The following NFIA variants were observed in gnomAD, a reference collection of about 807,000 sequenced individuals.
The protein encoded by NFIA is nuclear factor 1 A-type.
Under a neutral mutation model 62.8 loss-of-function variants are expected in NFIA, and 8 were observed. The observed-to-expected ratio is 0.13, with a 90% confidence interval of 0.07 to 0.23. The LOEUF (loss-of-function observed/expected upper bound fraction) is 0.23. NFIA is among the 10% of genes least tolerant of loss of function. NFIA has a pLI of 1.00. For missense variants in NFIA, 410 were observed against 642.1 expected, an observed-to-expected ratio of 0.64 and a Z score of 3.91; for synonymous variants, 235 against 238.1, an observed-to-expected ratio of 0.99 and a Z score of 0.12.
At chr1:61,124,708 GC>G (rs1646940123) in intron 2 of NFIA, 1 of 152,202 alleles carries the variant, frequency 6.6e-6, no homozygotes, top group African/African-American at 2.4e-5. Context: ...TAAAGTTGGG[GC>G]CGGATGGGAC....
At chr1:61,116,371 C>A (rs921017637) in intron 2 of NFIA, among the ~76,000 whole-genome samples, 1 of 152,168 alleles carries the variant, frequency 6.6e-6, no homozygotes, top group Non-Finnish European at 1.5e-5. Context: ...AAAACATGGG[C>A]ATAGAAAGTT....
At position 61,171,778 on chromosome 1, in the gene NFIA, C is replaced by T. The variant is rs74090308; in HGVS notation, c.559+83098C>T. Among the ~76,000 whole-genome samples, 519 of 152,140 alleles carry T rather than the reference C, an allele frequency of 3.4e-3. 2 individuals are homozygous for T. The highest frequency in any genetic ancestry group is 0.012 in the African/African-American group (506 of 41,524). On this transcript the variant is annotated intron_variant, in intron 2 of 10. Transcript: ENST00000403491. Reference sequence around the variant, plus strand: ...AGCACAGATTGTCATAAGGTTGTACCCTTAATTCTCATCTTCTGTACTTAT... The same window carrying T: ...AGCACAGATTGTCATAAGGTTGTACTCTTAATTCTCATCTTCTGTACTTAT...
chr1:61,158,942 T>G (rs777900460), intron 2 of NFIA, among the ~76,000 whole-genome samples: 9 of 152,228 alleles, frequency 5.9e-5, no homozygotes, highest in Non-Finnish European at 1.2e-4. Context: ...AAAGAAATGG[T>G]GTACTTTCTG....
intron 9 of NFIA, among the ~76,000 whole-genome samples, chr1:61,421,219 C>T (rs2474370): frequency 0.76 from 116,280 of 152,082 alleles, 45,206 homozygotes; most frequent in East Asian, 0.98. Context: ...TGTTTCCATC[C>T]TCTGTACTTA....
intron 10 of NFIA, among the ~76,000 whole-genome samples, chr1:61,431,760 C>T (rs1451709747): frequency 1.3e-5 from 2 of 152,206 alleles, no homozygotes; most frequent in East Asian, 3.8e-4. Flanking sequence ...TTGTCTGCCT[C>T]TGGTGGGGGT....
chr1:61,239,545 A>C (rs1655211313), intron 2 of NFIA, among the ~76,000 whole-genome samples: 1 of 152,068 alleles, frequency 6.6e-6, no homozygotes, highest in African/African-American at 2.4e-5. Context: ...ATCCTTGAAA[A>C]ACTTTGGGGT....
chr1:61,317,448 A>G (rs1280079852), intron 3 of NFIA, among the ~76,000 whole-genome samples: 1 of 152,020 alleles, frequency 6.6e-6, no homozygotes, highest in Non-Finnish European at 1.5e-5. Flanking sequence ...ATAAACAATT[A>G]TTTTCATAAA....
chr1:61,259,252 A>G (rs1193974558), intron 2 of NFIA, among the ~76,000 whole-genome samples: 1 of 152,348 alleles, frequency 6.6e-6, no homozygotes, highest in Non-Finnish European at 1.5e-5. Context: ...TGAAAAATGT[A>G]TACTTTTTTG....
At chr1:61,125,109 C>T (rs1345652717) in intron 2 of NFIA, 1 of 152,174 alleles carries the variant, frequency 6.6e-6, no homozygotes, top group Non-Finnish European at 1.5e-5. Context: ...AGATGTTGAT[C>T]TCGTGACAAA....
chr1:61,153,392 C>A (rs1390308638), intron 2 of NFIA, among the ~76,000 whole-genome samples: 5 of 151,926 alleles, frequency 3.3e-5, no homozygotes, highest in African/African-American at 1.2e-4. Flanking sequence ...GCCGTTGATG[C>A]CTTTGACTGT....
In NFIA at chr1:61,426,405, GTTGT is replaced by G. The variant is rs370304304; in HGVS notation, c.1421-55_1421-52del. The G allele has an allele frequency of 1.6e-4, 176 of 1,132,002 alleles. No homozygotes were observed. The African/African-American group carries it at 2.3e-3, about 15-fold the overall frequency. The allele number at this position is 1,132,002 out of a possible 1,614,324, so 70.1% of individuals were successfully genotyped here. A position where few individuals can be genotyped will look rare whatever the true frequency, so the allele number is the denominator to read the frequency against. On this transcript the variant is annotated intron_variant, in intron 9 of 10. Coordinates refer to ENST00000403491, the MANE Select transcript of NFIA (RefSeq NM_001134673.4). ...CGGCTCGGAGACTGTGTGTTTTGGT[GTTGT>G]TTGTGTGTGCAATCTCGTGCCGCTT...
chr1:61,230,041 T>C (rs1654575086), intron 2 of NFIA, among the ~76,000 whole-genome samples: 1 of 152,098 alleles, frequency 6.6e-6, no homozygotes, highest in African/African-American at 2.4e-5. Flanking sequence ...ATTATAACTA[T>C]CTGAAAGGAA....
intron 2 of NFIA, among the ~76,000 whole-genome samples, chr1:61,152,519 C>T (rs1191648826): frequency 6.6e-6 from 1 of 152,092 alleles, no homozygotes; most frequent in Admixed American, 6.6e-5. Flanking sequence ...TACAAAGCCC[C>T]ATAGTGCTGC....
At chr1:61,264,587 G>C (rs1657022516) in intron 2 of NFIA, among the ~76,000 whole-genome samples, 1 of 141,306 alleles carries the variant, frequency 7.1e-6, no homozygotes. Context: ...GAAGGCGAAG[G>C]TTGCAGTGAG....
chr1:61,283,521 G>A (rs1658266816), intron 3 of NFIA, among the ~76,000 whole-genome samples: 1 of 137,894 alleles, frequency 7.3e-6, no homozygotes, highest in South Asian at 2.4e-4. Flanking sequence ...GGCAGAGGTT[G>A]CAGTGAGCTG....
intron 2 of NFIA, among the ~76,000 whole-genome samples, chr1:61,207,677 G>A (rs186176730): frequency 6.8e-4 from 103 of 152,338 alleles, no homozygotes; most frequent in Admixed American, 2.0e-3. Context: ...CTTCTGTGAA[G>A]TGGGATTTTT....
At chr1:61,431,907 A>G (rs1667111945) in intron 10 of NFIA, among the ~76,000 whole-genome samples, 1 of 152,206 alleles carries the variant, frequency 6.6e-6, no homozygotes, top group African/African-American at 2.4e-5. Context: ...TCCTTTCTTC[A>G]GTCATTTAGT....
At chr1:61,098,580 G>A (rs1405645775) in intron 2 of NFIA, among the ~76,000 whole-genome samples, 1 of 152,176 alleles carries the variant, frequency 6.6e-6, no homozygotes, top group East Asian at 1.9e-4. Flanking sequence ...AACTATTGTT[G>A]TGCATTCCTG....
chr1:61,336,435 C>G (rs1334627358), intron 4 of NFIA, among the ~76,000 whole-genome samples: 1 of 152,034 alleles, frequency 6.6e-6, no homozygotes, highest in Admixed American at 6.6e-5. Flanking sequence ...CCCGTATACC[C>G]CTCCTCCAAA....
Sources: gnomAD v4.1 joint callset for allele counts (sites outside exome capture counted in the v4.1 genomes callset) on GRCh38, gnomAD v4.1.1 for gene constraint, MANE v1.5 for transcripts, NCBI Gene and HGNC (gene_info 2026-07-23, HGNC 2026-07-21) for gene names.